Variants in RTTN observed in about 807,000 individuals in gnomAD.
The protein encoded by RTTN is rotatin.
RTTN carries 182 observed loss-of-function variants against 269.2 expected under a neutral mutation model. The ratio of observed to expected loss-of-function variants is 0.68; its 90% CI spans 0.60 to 0.76. The LOEUF (loss-of-function observed/expected upper bound fraction) is 0.76, where lower values mean the gene tolerates loss of function less well. RTTN is among the 30% of genes least tolerant of loss of function. The pLI is 0.00. For missense variants in RTTN, 2,545 were observed against 2,608.6 expected (o/e 0.98, Z 0.53); for synonymous variants, 1,006 against 963.5 (o/e 1.04, Z -0.82).
At chr18:70,192,992 C>G (rs532552423) in intron 8 of RTTN, 145 of 245,966 alleles carry the variant, frequency 5.9e-4, no homozygotes, top group Non-Finnish European at 9.8e-4. Context: ...TATCAGAATA[C>G]TATTATGTGA....
At chr18:70,103,055 G>C (rs1457984484) in intron 28 of RTTN, among the ~76,000 whole-genome samples, 1 of 149,550 alleles carries the variant, frequency 6.7e-6, no homozygotes, top group Non-Finnish European at 1.5e-5. Flanking sequence ...TGTCCCGTCT[G>C]GGAAGTGAGG....
intron 40 of RTTN, among the ~76,000 whole-genome samples, chr18:70,040,091 A>C (rs1370053779): frequency 6.6e-6 from 1 of 152,212 alleles, no homozygotes; most frequent in African/African-American, 2.4e-5. Context: ...AACAAATAAC[A>C]AAACGGCAGA....
In RTTN at chr18:70,139,678, CA is replaced by C. The variant is rs775796646; in HGVS notation, c.2708del (p.Leu903Ter). The C allele has an allele frequency of 3.1e-5, 50 of 1,613,172 alleles. No homozygotes were observed. The highest frequency in any genetic ancestry group is 4.1e-5 in the Non-Finnish European group (48 of 1,179,438). On this transcript the variant is annotated frameshift_variant, in exon 21 of 49. Transcript: ENST00000640769. LOFTEE classifies it high-confidence loss of function. ...CTGGATCACCACATAAAACCTTCCT[CA>C]AGAGTGTGAGGCATGGTTGTACCAA... ...ECLVQPCLTL[L>X]RKVLCGDPVM...
rs990267050 is a variant in RTTN at position 70,205,314 on chromosome 18, A to G, written c.33T>C (p.Gly11=). The G allele has an allele frequency of 1.2e-6, 2 of 1,614,174 alleles. No individual in the cohort carries two copies. The highest frequency in any genetic ancestry group is 1.7e-6 in the Non-Finnish European group (2 of 1,180,014). The change falls in exon 2 of 49, where the codon GGT becomes GGC. Residue 11 remains glycine, a splice_region_variant and synonymous_variant. Coordinates refer to ENST00000640769, the MANE Select transcript of RTTN (RefSeq NM_173630.4). ...GCTCCCTGATCTCGGCCAGCTGATG[A>G]CCTGTCAACGAACGGCACAAAACTA... The part of the protein sequence containing the change: MVLAGLIRKL[G]HQLAEIRERA...
At chr18:70,119,448 A>T (rs1054725992) in intron 26 of RTTN, among the ~76,000 whole-genome samples, 11 of 152,148 alleles carry the variant, frequency 7.2e-5, no homozygotes, top group Middle Eastern at 3.4e-3. Context: ...AGGGAAGAGG[A>T]AAATGGAAGG....
intron 44 of RTTN, 129 bp downstream of exon 44, chr18:70,024,593 G>A (rs1477058075): frequency 2.5e-6 from 2 of 809,642 alleles, no homozygotes; most frequent in Non-Finnish European, 3.9e-6. Flanking sequence ...GCTTGCCTTT[G>A]CCCATCATAT....
At position 70,188,211 on chromosome 18, in the gene RTTN, A is replaced by G; in HGVS notation, c.1202T>C (p.Val401Ala). ...AAGCAATTCCAGAACTCTTATTATC[A>G]CTTGTCTGCTACCTAGGAATACAAA... ...VPLLRTGSRQ[V>A]IIRVLELLTE... The change falls in exon 10 of 49, where the codon GTG (valine) becomes GCG (alanine). Residue 401 changes from valine to alanine, a missense_variant. Val to Ala is a moderately conservative substitution (Grantham distance 64). Coordinates refer to ENST00000640769, the MANE Select transcript of RTTN (RefSeq NM_173630.4). 6.3e-7 allele frequency: 1 copy of G among 1,590,722 alleles called. No homozygotes were observed. Among genetic ancestry groups the G allele is most frequent in the African/African-American group, 1.3e-5 (1 of 74,480 alleles).
chr18:70,096,684 G>A (rs1469524775), intron 28 of RTTN, among the ~76,000 whole-genome samples: 1 of 152,130 alleles, frequency 6.6e-6, no homozygotes, highest in Non-Finnish European at 1.5e-5. Flanking sequence ...CGTCCCAGAG[G>A]GGCATTGCCA....
At chr18:70,150,270 A>G (rs1229048587) in intron 15 of RTTN, 183 bp from the exon 16 acceptor site, 2 of 575,260 alleles carry the variant, frequency 3.5e-6, no homozygotes, top group Non-Finnish European at 6.2e-6. Flanking sequence ...TAATATTTCT[A>G]ATTTTTTACC....
chr18:70,080,277 G>A (rs1215621435), intron 32 of RTTN, among the ~76,000 whole-genome samples: 1 of 152,078 alleles, frequency 6.6e-6, no homozygotes, highest in Non-Finnish European at 1.5e-5. Flanking sequence ...AATACATCTA[G>A]AACGCAGATC....
At chr18:70,029,566 AC>A (rs1290941318) in intron 42 of RTTN, among the ~76,000 whole-genome samples, 2 of 152,138 alleles carry the variant, frequency 1.3e-5, no homozygotes, top group African/African-American at 2.4e-5. Flanking sequence ...TCCATCAATT[AC>A]CAGTTGTGTG....
chr18:70,062,793 T>C (rs1041772355), intron 35 of RTTN, among the ~76,000 whole-genome samples: 1 of 152,102 alleles, frequency 6.6e-6, no homozygotes, highest in African/African-American at 2.4e-5. Context: ...TTTTATATTT[T>C]GTAGAGATAC....
Position 70,004,178 on chromosome 18 carries a change from G to A in RTTN, c.6654C>T (p.Asn2218=), listed in dbSNP as rs2056107930. ...AGGAAGAATTAAGGAGCTGCACGAG[G>A]TTTTCAAGACATTTCAAATAATAGG... ...LNAYYLKCLE[N]LVQLLNSS is the part of the protein sequence containing the mutation. Residue 2218 remains asparagine (N), a synonymous_variant, in exon 49 of 49, where the codon AAC becomes AAT. Coordinates refer to ENST00000640769, the MANE Select transcript of RTTN (RefSeq NM_173630.4). 1.2e-6 allele frequency: 2 copies of A among 1,613,650 alleles called. No individual in the cohort carries two copies. The highest frequency in any genetic ancestry group is 1.7e-6 in the Non-Finnish European group (2 of 1,179,642).
At chr18:70,103,762 C>CAAAA (rs71178846) in intron 28 of RTTN, among the ~76,000 whole-genome samples, 1 of 118,030 alleles carries the variant, frequency 8.5e-6, no homozygotes, top group Non-Finnish European at 1.7e-5. Flanking sequence ...ATAAATACTT[C>CAAAA]AAAAAAAAAA....
chr18:70,025,860 T>C (rs990424085), intron 43 of RTTN, among the ~76,000 whole-genome samples: 3 of 152,254 alleles, frequency 2.0e-5, no homozygotes, highest in East Asian at 1.9e-4. Context: ...TACATCCATC[T>C]GTGTTCTGAA....
At chr18:70,006,135 T>G (rs1419451435) in intron 47 of RTTN, 2 of 372,234 alleles carry the variant, frequency 5.4e-6, no homozygotes, top group Non-Finnish European at 9.6e-6. Flanking sequence ...CAATTTAAAT[T>G]AAGAGGAAAA....
Position 70,006,425 on chromosome 18 carries a change from T to A in RTTN, c.6481A>T (p.Ile2161Phe). 1.9e-6 allele frequency: 3 copies of A among 1,614,006 alleles called. No homozygotes were observed. Among genetic ancestry groups the A allele is most frequent in the Non-Finnish European group, 2.5e-6 (3 of 1,179,880 alleles). Residue 2161 changes from isoleucine to phenylalanine, a missense_variant, in exon 47 of 49, where the codon ATT (isoleucine) becomes TTT (phenylalanine). Transcript: ENST00000640769. ...LESENQNAQR[I>F]GAAALWALIY... The stretch of plus-strand genomic sequence containing the variant: ...AGAGCCCAAAGGGCAGCTGCTCCAA[T>A]CCTCTGAGCATTTTGATTCTCACTT...
chr18:70,050,202 A>G (rs569248575), intron 39 of RTTN, among the ~76,000 whole-genome samples: 31 of 152,350 alleles, frequency 2.0e-4, no homozygotes, highest in African/African-American at 6.5e-4. Context: ...TCCAGAATCT[A>G]CAAGGAACTT....
chr18:70,024,753 G>C lies in RTTN; in HGVS notation c.5919C>G (p.Leu1973=). ...GAAAATTTGCAGTATAGACACAAAG[G>C]AGCTGCAGAGAAATTTGCATCAATG... ...DDSLMQISLQ[L]LCVYTANFPN... The change falls in exon 44 of 49, where the codon CTC becomes CTG. Residue 1973 remains leucine, a synonymous_variant. Coordinates refer to ENST00000640769, the MANE Select transcript of RTTN (RefSeq NM_173630.4). 1.2e-6 allele frequency: 2 copies of C among 1,613,826 alleles called. No individual in the cohort carries two copies. The highest frequency in any genetic ancestry group is 1.6e-4 in the Middle Eastern group (1 of 6,062).
Sources: allele counts gnomAD v4.1 joint callset (sites outside exome capture counted in the v4.1 genomes callset), GRCh38; gene constraint gnomAD v4.1.1; transcripts MANE v1.5; gene names NCBI Gene and HGNC (gene_info 2026-07-23, HGNC 2026-07-21).